Variants in BEND6 observed in about 807,000 individuals in gnomAD.
The protein encoded by BEND6 is BEN domain containing 6, also known as BEN domain-containing protein 6.
Under a neutral mutation model 31.8 loss-of-function variants are expected in BEND6, and 24 were observed. That is an observed-to-expected ratio of 0.75 (90% CI 0.55 to 1.06). BEND6 has a LOEUF of 1.06. Among genes scored for constraint, BEND6 ranks in the 50% least tolerant of loss-of-function variants. The pLI, the probability that BEND6 is intolerant of heterozygous loss-of-function variation, is 0.00. For missense variants in BEND6, 294 were observed against 327.4 expected (o/e 0.90, Z 0.79); for synonymous variants, 109 against 114.6 (o/e 0.95, Z 0.31).
intron 2 of BEND6, among the ~76,000 whole-genome samples, chr6:56,987,180 A>G (rs1392042658): frequency 6.6e-6 from 1 of 151,882 alleles, no homozygotes; most frequent in East Asian, 1.9e-4. Context: ...AGGTTTCACC[A>G]TATTGGCCAG....
intron 2 of BEND6, among the ~76,000 whole-genome samples, chr6:56,982,252 T>A (rs1826098621): frequency 6.6e-6 from 1 of 152,170 alleles, no homozygotes; most frequent in African/African-American, 2.4e-5. Context: ...ACAGTTGAGT[T>A]AGAAACATAC....
At chr6:57,022,287 AT>A (rs1278649844) in intron 6 of BEND6, among the ~76,000 whole-genome samples, 2 of 146,218 alleles carry the variant, frequency 1.4e-5, no homozygotes, top group African/African-American at 5.1e-5. Flanking sequence ...ACTTTTTATT[AT>A]AATTTTGATC....
chr6:56,992,508 C>G lies in BEND6; in HGVS notation c.251C>G (p.Thr84Ser). 1 of 1,613,956 alleles carries G rather than the reference C, an allele frequency of 6.2e-7. No homozygotes were observed. Among genetic ancestry groups the G allele is most frequent in the Non-Finnish European group, 8.5e-7 (1 of 1,179,962 alleles). The change falls in exon 3 of 7, where the codon ACC (threonine) becomes AGC (serine). Residue 84 changes from threonine to serine, a missense_variant. Coordinates refer to ENST00000370746, the MANE Select transcript of BEND6 (RefSeq NM_152731.3). ...AGCCTGAAAGAAAAACTAACAAACA[C>G]CCGGAAAGAAAACAGCCGACTTCGA... Reference protein sequence around the residue: ...IKSLKEKLTNTRKENSRLRQS... With the variant: ...IKSLKEKLTNSRKENSRLRQS...
chr6:57,010,284 T>C (rs938543011), intron 3 of BEND6: 7 of 152,044 alleles, frequency 4.6e-5, no homozygotes, highest in Non-Finnish European at 1.0e-4. Context: ...ATTAATAAAT[T>C]GCAAGGGAAA....
chr6:57,006,965 C>G (rs1009995069), intron 3 of BEND6, among the ~76,000 whole-genome samples: 3 of 152,142 alleles, frequency 2.0e-5, no homozygotes, highest in African/African-American at 7.2e-5. Context: ...ACACCAAGAA[C>G]ATTCACTGGG....
At chr6:56,997,499 C>G (rs1042743029) in intron 3 of BEND6, among the ~76,000 whole-genome samples, 1 of 152,190 alleles carries the variant, frequency 6.6e-6, no homozygotes, top group African/African-American at 2.4e-5. Context: ...CTTCTGGCAA[C>G]AGAAGTCAGG....
chr6:56,983,531 G>T (rs1298942938), intron 2 of BEND6, among the ~76,000 whole-genome samples: 1 of 151,984 alleles, frequency 6.6e-6, no homozygotes, highest in Middle Eastern at 3.2e-3. Flanking sequence ...GTTTTTTTTA[G>T]ATTCCAGATG....
At chr6:56,988,441 A>C (rs1368540123) in intron 2 of BEND6, among the ~76,000 whole-genome samples, 2 of 152,170 alleles carry the variant, frequency 1.3e-5, no homozygotes, top group African/African-American at 4.8e-5. Context: ...AAATGAAGAA[A>C]GGAGAAGAAT....
intron 3 of BEND6, among the ~76,000 whole-genome samples, 180 bp downstream of exon 3, chr6:56,992,735 G>C (rs1826553955): frequency 6.6e-6 from 1 of 152,074 alleles, no homozygotes; most frequent in Non-Finnish European, 1.5e-5. Context: ...TCTATTGAAG[G>C]ATCTAGCTTA....
At chr6:56,979,027 A>G (rs981324973) in intron 1 of BEND6, among the ~76,000 whole-genome samples, 2 of 152,230 alleles carry the variant, frequency 1.3e-5, no homozygotes, top group Non-Finnish European at 2.9e-5. Flanking sequence ...TTAAAACAAA[A>G]TGTGAGACTT....
At chr6:57,017,786 T>C (rs1827615409) in intron 5 of BEND6, among the ~76,000 whole-genome samples, 1 of 152,230 alleles carries the variant, frequency 6.6e-6, no homozygotes, top group South Asian at 2.1e-4. Flanking sequence ...TTTAAATTAA[T>C]GAATCTCCTT....
chr6:56,969,055 CAG>C, intron 1 of BEND6, among the ~76,000 whole-genome samples: 1 of 150,492 alleles, frequency 6.6e-6, no homozygotes, highest in African/African-American at 2.4e-5. Context: ...GCCTGGGAGA[CAG>C]AGTCAGACTC....
intron 1 of BEND6, among the ~76,000 whole-genome samples, chr6:56,967,730 G>A (rs1562535704): frequency 6.6e-6 from 1 of 152,220 alleles, no homozygotes; most frequent in African/African-American, 2.4e-5. Flanking sequence ...GGAGGGCCCT[G>A]TAAGGGACTA....
intron 2 of BEND6, among the ~76,000 whole-genome samples, chr6:56,983,263 A>T (rs910947190): frequency 6.6e-6 from 1 of 152,244 alleles, no homozygotes; most frequent in African/African-American, 2.4e-5. Flanking sequence ...GCAAATTAAC[A>T]TATCCATCAC....
intron 3 of BEND6, among the ~76,000 whole-genome samples, chr6:57,004,305 G>T (rs1301876049): frequency 6.6e-6 from 1 of 151,488 alleles, no homozygotes; most frequent in Non-Finnish European, 1.5e-5. Context: ...TCCTCGAAAC[G>T]ATAACGACTC....
intron 2 of BEND6, among the ~76,000 whole-genome samples, chr6:56,987,855 A>G (rs1043751867): frequency 1.3e-5 from 2 of 152,044 alleles, no homozygotes; most frequent in African/African-American, 4.8e-5. Context: ...ATATATACAT[A>G]TATATATGCC....
intron 3 of BEND6, among the ~76,000 whole-genome samples, chr6:57,011,733 AAAGAAAAAAAAAG>A (rs1317557436): frequency 2.7e-5 from 4 of 147,828 alleles, no homozygotes; most frequent in South Asian, 4.2e-4. Flanking sequence ...AAAAAAAAAA[AAAGAAAAAAAAAG>A]AAAAGAAAAG....
At chr6:56,958,826 G>C (rs56022802) in intron 1 of BEND6, among the ~76,000 whole-genome samples, 1,847 of 152,282 alleles carry the variant, frequency 0.012, 13 homozygotes, top group Non-Finnish European at 0.019. Flanking sequence ...CTGAGGACTG[G>C]TGACTAGGAG....
chr6:56,983,094 A>C (rs959055907), intron 2 of BEND6, among the ~76,000 whole-genome samples: 24 of 152,220 alleles, frequency 1.6e-4, no homozygotes, highest in Non-Finnish European at 3.4e-4. Flanking sequence ...TTATGTGTAC[A>C]TCATTTGATA....
Sources: allele counts gnomAD v4.1 joint callset (sites outside exome capture counted in the v4.1 genomes callset), GRCh38; gene constraint gnomAD v4.1.1; transcripts MANE v1.5; gene names NCBI Gene and HGNC (gene_info 2026-07-23, HGNC 2026-07-21).